Variants in PPFIA2 observed in about 807,000 individuals in gnomAD.
PPFIA2 encodes liprin-alpha-2.
Under a neutral mutation model 175.5 loss-of-function variants are expected in PPFIA2, and 46 were observed. The ratio of observed to expected loss-of-function variants is 0.26; its 90% CI spans 0.21 to 0.34. The LOEUF is 0.34. Among genes scored for constraint, PPFIA2 ranks in the 10% least tolerant of loss-of-function variants. The probability of loss-of-function intolerance (pLI) is 1.00; values close to 1 mark genes in which losing one functional copy is unlikely to be tolerated. For missense variants in PPFIA2, 1,179 were observed against 1,506.1 expected (o/e 0.78, Z 3.60); for synonymous variants, 568 against 511.4 (o/e 1.11, Z -1.49).
At chr12:81,266,842 C>T in intron 30 of PPFIA2, 110 bp downstream of exon 30, 1 of 779,376 alleles carries the variant, frequency 1.3e-6, no homozygotes, top group Non-Finnish European at 2.2e-6. Context: ...TGATTCTAAC[C>T]ATAGAACAGT....
intron 22 of PPFIA2, among the ~76,000 whole-genome samples, chr12:81,304,521 T>G (rs1235568484): frequency 2.0e-5 from 3 of 152,200 alleles, no homozygotes; most frequent in Non-Finnish European, 2.9e-5. Flanking sequence ...AGGCAATGCT[T>G]ATAGTGTTCT....
intron 5 of PPFIA2, among the ~76,000 whole-genome samples, chr12:81,451,400 A>T (rs1366088456): frequency 6.6e-6 from 1 of 152,128 alleles, no homozygotes; most frequent in East Asian, 1.9e-4. Flanking sequence ...CCTGGGAGTT[A>T]GCCTGACGGG....
At chr12:81,504,608 T>C (rs1415468585) in intron 4 of PPFIA2, among the ~76,000 whole-genome samples, 64 of 152,118 alleles carry the variant, frequency 4.2e-4, no homozygotes, top group Non-Finnish European at 8.2e-4. Flanking sequence ...GATCTAGAAA[T>C]AAAAATACCA....
chr12:81,316,660 CA>C (rs1199716698), intron 22 of PPFIA2, among the ~76,000 whole-genome samples: 19 of 151,638 alleles, frequency 1.3e-4, no homozygotes, highest in African/African-American at 4.3e-4. Context: ...TCTTTAAAAG[CA>C]TGACTGGTTT....
At chr12:81,451,550 CT>C (rs1449412669) in intron 5 of PPFIA2, among the ~76,000 whole-genome samples, 1 of 152,100 alleles carries the variant, frequency 6.6e-6, no homozygotes, top group Non-Finnish European at 1.5e-5. Context: ...TTCTTATATG[CT>C]TTAATTAATG....
At chr12:81,455,719 C>T (rs1333441565) in intron 5 of PPFIA2, among the ~76,000 whole-genome samples, 1 of 152,162 alleles carries the variant, frequency 6.6e-6, no homozygotes, top group Non-Finnish European at 1.5e-5. Flanking sequence ...GGTGGTCTGA[C>T]TGTTAAGCAA....
intron 3 of PPFIA2, among the ~76,000 whole-genome samples, chr12:81,677,806 A>T (rs1217157439): frequency 6.6e-6 from 1 of 151,868 alleles, no homozygotes; most frequent in Non-Finnish European, 1.5e-5. Context: ...ATAAATGGGG[A>T]AATAGGAAAT....
intron 3 of PPFIA2, among the ~76,000 whole-genome samples, chr12:81,743,133 A>G (rs2082533357): frequency 6.6e-6 from 1 of 151,936 alleles, no homozygotes; most frequent in African/African-American, 2.4e-5. Context: ...AAAAAAACAA[A>G]CAAGGCTGGG....
intron 8 of PPFIA2, among the ~76,000 whole-genome samples, chr12:81,401,381 C>CAA (rs2042073538): frequency 6.6e-6 from 1 of 152,136 alleles, no homozygotes. Flanking sequence ...ATCTGAAACT[C>CAA]AGAGTCAGCG....
intron 3 of PPFIA2, among the ~76,000 whole-genome samples, chr12:81,718,427 T>C (rs767300044): frequency 9.3e-5 from 14 of 151,328 alleles, no homozygotes; most frequent in Non-Finnish European, 2.1e-4. Flanking sequence ...AGTGGAGAGG[T>C]AGAAACTGAA....
At chr12:81,483,251 A>C (rs1310979961) in intron 4 of PPFIA2, among the ~76,000 whole-genome samples, 2 of 152,206 alleles carry the variant, frequency 1.3e-5, no homozygotes, top group African/African-American at 2.4e-5. Context: ...AAAAGCTTTT[A>C]TATGCGTGTT....
At chr12:81,617,128 TA>T (rs1762648797) in intron 4 of PPFIA2, among the ~76,000 whole-genome samples, 2 of 152,164 alleles carry the variant, frequency 1.3e-5, no homozygotes, top group African/African-American at 4.8e-5. Flanking sequence ...TTGCAAAAAT[TA>T]AAGGAAATAA....
chr12:81,497,912 T>G (rs1213653258), intron 4 of PPFIA2, among the ~76,000 whole-genome samples: 5 of 152,182 alleles, frequency 3.3e-5, no homozygotes, highest in Non-Finnish European at 7.4e-5. Context: ...TCACCTTCCA[T>G]GAGCACTGCT....
chr12:81,591,859 A>C (rs987630435), intron 4 of PPFIA2, among the ~76,000 whole-genome samples: 22 of 152,088 alleles, frequency 1.4e-4, no homozygotes, highest in African/African-American at 5.3e-4. Context: ...GCAGAAAAAA[A>C]TGTGGGGTCA....
At chr12:81,673,407 A>G (rs1470265977) in intron 4 of PPFIA2, among the ~76,000 whole-genome samples, 1 of 152,108 alleles carries the variant, frequency 6.6e-6, no homozygotes, top group East Asian at 1.9e-4. Context: ...GATTCTTTAC[A>G]GTTCCCAAGT....
intron 21 of PPFIA2, among the ~76,000 whole-genome samples, chr12:81,329,711 A>G (rs569675252): frequency 4.5e-4 from 68 of 152,290 alleles, no homozygotes; most frequent in African/African-American, 1.6e-3. Context: ...CGTGGCGTAG[A>G]GTGTCAAAGA....
chr12:81,564,691 T>A (rs2070922558), intron 4 of PPFIA2, among the ~76,000 whole-genome samples: 1 of 152,172 alleles, frequency 6.6e-6, no homozygotes, highest in Admixed American at 6.5e-5. Flanking sequence ...CTATACCTAA[T>A]ACCTTTGACC....
intron 4 of PPFIA2, among the ~76,000 whole-genome samples, chr12:81,665,964 A>G: frequency 6.6e-6 from 1 of 152,204 alleles, no homozygotes; most frequent in South Asian, 2.1e-4. Context: ...ATGAACAGAC[A>G]CTTCTCAAAA....
At chr12:81,404,539 GAT>G (rs2042591604) in intron 8 of PPFIA2, among the ~76,000 whole-genome samples, 2 of 152,118 alleles carry the variant, frequency 1.3e-5, no homozygotes, top group Non-Finnish European at 2.9e-5. Flanking sequence ...TTGAAGGAAA[GAT>G]AAATAATGTT....
Sources: gnomAD v4.1 joint callset for allele counts (sites outside exome capture counted in the v4.1 genomes callset) on GRCh38, gnomAD v4.1.1 for gene constraint, MANE v1.5 for transcripts, NCBI Gene and HGNC (gene_info 2026-07-23, HGNC 2026-07-21) for gene names.